The following ANKRD42 variants were observed in gnomAD, a reference collection of about 807,000 sequenced individuals.
ANKRD42 encodes the protein ankyrin repeat domain-containing protein 42.
ANKRD42 carries 43 observed loss-of-function variants against 51.5 expected under a neutral mutation model. The ratio of observed to expected loss-of-function variants is 0.83; its 90% CI spans 0.65 to 1.08. ANKRD42 has a LOEUF of 1.08. Among genes scored for constraint, ANKRD42 ranks in the 50% least tolerant of loss-of-function variants. ANKRD42 has a pLI of 0.00. For synonymous variants in ANKRD42, 203 were observed against 213.0 expected (o/e 0.95, Z 0.41); for missense variants, 608 against 629.3 (o/e 0.97, Z 0.36).
downstream of ANKRD42, among the ~76,000 whole-genome samples, chr11:83,253,727 C>T (rs1434051101): frequency 1.3e-5 from 2 of 151,958 alleles, no homozygotes; most frequent in Admixed American, 1.3e-4. Context: ...GATAAAGAAA[C>T]GAGTAATCTT....
At chr11:83,255,896 A>G in exon 12 of ANKRD42, 1 of 1,534,918 alleles carries the variant, frequency 6.5e-7, no homozygotes, top group Non-Finnish European at 8.7e-7. Context: ...AGTAAAAAAA[A>G]AGGTTTCTTC....
At chr11:83,222,984 C>G (rs681259) in intron 5 of ANKRD42, among the ~76,000 whole-genome samples, 40,354 of 152,038 alleles carry the variant, frequency 0.27, 5,552 homozygotes, top group Middle Eastern at 0.41. Context: ...GCATGGTGGC[C>G]CATGCTTGTA....
chr11:83,218,552 C>A (rs770735258), intron 5 of ANKRD42, among the ~76,000 whole-genome samples: 1 of 152,164 alleles, frequency 6.6e-6, no homozygotes, highest in Non-Finnish European at 1.5e-5. Context: ...TTCCCTAAAT[C>A]TGCCTTTATT....
intron 5 of ANKRD42, among the ~76,000 whole-genome samples, chr11:83,219,884 T>C (rs1862662778): frequency 6.6e-6 from 1 of 152,198 alleles, no homozygotes; most frequent in Non-Finnish European, 1.5e-5. Context: ...ATGGTGACAC[T>C]TGCCTAAACC....
At chr11:83,257,767 C>T (rs1216536009), downstream of ANKRD42, among the ~76,000 whole-genome samples, 1 of 152,194 alleles carries the variant, frequency 6.6e-6, no homozygotes, top group Non-Finnish European at 1.5e-5. Flanking sequence ...CCAGTTTTCT[C>T]TAATTTCTTC....
chr11:83,218,821 G>A (rs1862623537), intron 5 of ANKRD42, among the ~76,000 whole-genome samples: 1 of 152,180 alleles, frequency 6.6e-6, no homozygotes, highest in Non-Finnish European at 1.5e-5. Flanking sequence ...TTGGTACAAG[G>A]CAGTATTGTC....
chr11:83,233,933 T>G (rs1863154208), intron 7 of ANKRD42, among the ~76,000 whole-genome samples: 1 of 152,258 alleles, frequency 6.6e-6, no homozygotes, highest in African/African-American at 2.4e-5. Flanking sequence ...TCCACCCGCT[T>G]TGGCCTCCCG....
chr11:83,210,397 AAAT>A lies in ANKRD42; in HGVS notation c.432_434del (p.Ile144del), dbSNP rs1862267373. 6.2e-6 allele frequency: 10 copies of A among 1,614,010 alleles called. No homozygotes were observed. The East Asian group carries it at 2.2e-4, about 36-fold the overall frequency. Reference sequence around the variant, plus strand: ...ACTCATGGACATTCTTTCACTTTACAAATAATGCTCCGAAGTGGAGTGGTGAGT... The same window carrying A: ...ACTCATGGACATTCTTTCACTTTACAAATGCTCCGAAGTGGAGTGGTGAGT... On this transcript the variant is annotated inframe_deletion, in exon 4 of 11. Coordinates refer to ENST00000533342, the MANE Select transcript of ANKRD42 (RefSeq NM_001300975.2).
chr11:83,227,519 G>A (rs115297804), intron 6 of ANKRD42, among the ~76,000 whole-genome samples: 2,744 of 152,218 alleles, frequency 0.018, 65 homozygotes, highest in African/African-American at 0.058. Flanking sequence ...AATTGTCCTG[G>A]TACAATACTT....
intron 5 of ANKRD42, chr11:83,214,331 T>G: frequency 1.5e-6 from 1 of 647,312 alleles, no homozygotes; most frequent in Non-Finnish European, 1.9e-6. Flanking sequence ...ATATTTATAT[T>G]CCCAATCCTC....
chr11:83,241,250 T>A (rs1448972173), intron 9 of ANKRD42, among the ~76,000 whole-genome samples: 2 of 152,126 alleles, frequency 1.3e-5, no homozygotes, highest in African/African-American at 4.8e-5. Context: ...GGCAAATGAT[T>A]GTTATAGATA....
At chr11:83,245,896 T>C (rs1863527326) in intron 10 of ANKRD42, among the ~76,000 whole-genome samples, 1 of 152,242 alleles carries the variant, frequency 6.6e-6, no homozygotes, top group Non-Finnish European at 1.5e-5. Context: ...TCTCCAGAAC[T>C]CTCATCTTGC....
At chr11:83,200,077 GT>G (rs1427335960) in intron 2 of ANKRD42, among the ~76,000 whole-genome samples, 1 of 151,812 alleles carries the variant, frequency 6.6e-6, no homozygotes, top group Non-Finnish European at 1.5e-5. Context: ...AGTTTTCTGG[GT>G]TTTTTTGCTC....
downstream of ANKRD42, among the ~76,000 whole-genome samples, chr11:83,249,497 G>A (rs1351859450): frequency 6.6e-6 from 1 of 152,194 alleles, no homozygotes; most frequent in Non-Finnish European, 1.5e-5. Context: ...CACGCAAGCT[G>A]CACATTTTCT....
intron 8 of ANKRD42, among the ~76,000 whole-genome samples, chr11:83,240,365 A>G (rs1181490877): frequency 1.3e-5 from 2 of 152,238 alleles, no homozygotes; most frequent in African/African-American, 2.4e-5. Context: ...TGGAATGAAA[A>G]TGAATTCTAT....
In ANKRD42 at chr11:83,220,486, A is replaced by G. The variant is rs148768217; in HGVS notation, c.587-4369A>G. Among the ~76,000 whole-genome samples the G allele has an allele frequency of 3.6e-3, 543 of 152,300 alleles. 4 individuals carry two copies. Among genetic ancestry groups the G allele is most frequent in the African/African-American group, 0.012 (513 of 41,580 alleles). On this transcript the variant is annotated intron_variant, in intron 5 of 10. Coordinates refer to ENST00000533342, the MANE Select transcript of ANKRD42 (RefSeq NM_001300975.2). Reference sequence around the variant, plus strand: ...TAATGCCTAAGGTTCTTACCTAGCCATGCCAAAGAATTGGTGTGGTGGCTG... The same window carrying G: ...TAATGCCTAAGGTTCTTACCTAGCCGTGCCAAAGAATTGGTGTGGTGGCTG...
chr11:83,245,092 C>T (rs1221696585), intron 9 of ANKRD42, among the ~76,000 whole-genome samples: 3 of 151,972 alleles, frequency 2.0e-5, no homozygotes, highest in Non-Finnish European at 4.4e-5. Flanking sequence ...TTAGTAGAGA[C>T]GGGGTTTCAC....
chr11:83,212,924 T>G (rs1382227225), intron 5 of ANKRD42: 1 of 1,482,062 alleles, frequency 6.7e-7, no homozygotes, highest in African/African-American at 1.4e-5. Flanking sequence ...TAAAGTAAAA[T>G]TTAAATTGAA....
chr11:83,203,495 A>G (rs1861950999), intron 2 of ANKRD42, among the ~76,000 whole-genome samples: 1 of 149,700 alleles, frequency 6.7e-6, no homozygotes, highest in East Asian at 2.0e-4. Flanking sequence ...CTGGGTTCAA[A>G]TGATTCTCCT....
Sources: allele counts gnomAD v4.1 joint callset (sites outside exome capture counted in the v4.1 genomes callset), GRCh38; gene constraint gnomAD v4.1.1; transcripts MANE v1.5; gene names NCBI Gene and HGNC (gene_info 2026-07-23, HGNC 2026-07-21).